The following CLVS1 variants were observed in gnomAD, a reference collection of about 807,000 sequenced individuals.
CLVS1 encodes the protein clavesin-1.
In CLVS1, 10 loss-of-function variants were observed where a neutral mutation model predicts 33.1. The observed-to-expected ratio is 0.30, with a 90% CI of 0.19 to 0.51. The LOEUF is 0.51. Ranked by LOEUF, CLVS1 falls within the 20% of genes least tolerant of loss-of-function variation. The pLI is 0.97. For missense variants in CLVS1, 343 were observed against 433.4 expected (o/e 0.79, Z 1.85); for synonymous variants, 163 against 166.1 (o/e 0.98, Z 0.14).
rs572509583 is a variant in CLVS1 at position 61,092,959 on chromosome 8, C to T, written c.-243+35729C>T. Among the ~76,000 whole-genome samples the T allele has an allele frequency of 4.6e-5, 7 of 152,180 alleles. No homozygotes were observed. The South Asian group carries it at 6.2e-4, about 14-fold the overall frequency. ...GGCCATGGATAGAGCAGTGCAAGGA[C>T]GAGACACATCCCAGACAACATGGGG... On this transcript the variant is annotated intron_variant, in intron 1 of 2. Transcript: ENST00000522621.
At chr8:61,192,824 C>T (rs1260827903) in intron 2 of CLVS1, among the ~76,000 whole-genome samples, 3 of 152,134 alleles carry the variant, frequency 2.0e-5, no homozygotes, top group African/African-American at 7.2e-5. Context: ...AATGAGATAC[C>T]ATGTCACACC....
intron 1 of CLVS1, among the ~76,000 whole-genome samples, chr8:61,077,760 G>A (rs1391273070): frequency 6.6e-6 from 1 of 152,226 alleles, no homozygotes; most frequent in Non-Finnish European, 1.5e-5. Flanking sequence ...GAGAAAGAGA[G>A]GAAATGCTCT....
At position 61,360,503 on chromosome 8, in the gene CLVS1, A is replaced by G. The variant is rs548797240; in HGVS notation, c.456-16102A>G. Reference sequence around the variant, plus strand: ...CCTTCTTCTAAGAGAGGCCAGCCCAAGTAAAATTTAGCTGGAACAAACTGT... The same window carrying G: ...CCTTCTTCTAAGAGAGGCCAGCCCAGGTAAAATTTAGCTGGAACAAACTGT... On this transcript the variant is annotated intron_variant, in intron 2 of 5. Coordinates refer to ENST00000325897, the MANE Select transcript of CLVS1 (RefSeq NM_173519.3). Among the ~76,000 whole-genome samples, 12 of 152,336 alleles carry G rather than the reference A, an allele frequency of 7.9e-5. No homozygotes were observed. The East Asian group carries it at 2.1e-3, about 27-fold the overall frequency.
intron 2 of CLVS1, among the ~76,000 whole-genome samples, chr8:61,376,380 G>A (rs1407131573): frequency 1.3e-5 from 2 of 152,242 alleles, no homozygotes. Flanking sequence ...ATCTCATTAA[G>A]TTTGGGGTGC....
chr8:61,041,952 G>A, the CLVS1 span, among the ~76,000 whole-genome samples: 1 of 151,972 alleles, frequency 6.6e-6, no homozygotes, highest in African/African-American at 2.4e-5. Context: ...TTAATCTCTT[G>A]AGTTTTGAAC....
intron 2 of CLVS1, among the ~76,000 whole-genome samples, chr8:61,152,680 C>T (rs1335963614): frequency 2.0e-5 from 3 of 152,140 alleles, no homozygotes; most frequent in African/African-American, 7.2e-5. Flanking sequence ...CATAGCACCT[C>T]TCAAAGGCCC....
At chr8:61,354,503 C>G (rs1021548872) in intron 2 of CLVS1, among the ~76,000 whole-genome samples, 6 of 151,888 alleles carry the variant, frequency 4.0e-5, no homozygotes, top group Admixed American at 2.0e-4. Context: ...AAATAAAAAC[C>G]TATATTCACA....
At chr8:61,071,522 C>G (rs970119965) in intron 1 of CLVS1, among the ~76,000 whole-genome samples, 1 of 152,186 alleles carries the variant, frequency 6.6e-6, no homozygotes, top group Non-Finnish European at 1.5e-5. Context: ...TTAGGGTCTA[C>G]CTAGATGGTT....
chr8:61,456,137 G>A (rs1490882018), intron 4 of CLVS1, among the ~76,000 whole-genome samples: 1 of 152,188 alleles, frequency 6.6e-6, no homozygotes, highest in African/African-American at 2.4e-5. Flanking sequence ...CATGCCATAG[G>A]TGGGCATTTT....
chr8:61,208,256 A>G (rs904794313), intron 2 of CLVS1, among the ~76,000 whole-genome samples: 3 of 152,238 alleles, frequency 2.0e-5, no homozygotes, highest in African/African-American at 7.2e-5. Context: ...CCAGGCACAC[A>G]TGCTGATTTA....
In CLVS1 at chr8:61,197,734, G is replaced by A. The variant is rs62525828; in HGVS notation, c.-152+65874G>A. Among the ~76,000 whole-genome samples, 1,069 of 152,268 alleles carry A rather than the reference G, an allele frequency of 7.0e-3. 4 individuals are homozygous for A. Among genetic ancestry groups the A allele is most frequent in the Non-Finnish European group, 0.01 (712 of 68,022 alleles). On this transcript the variant is annotated intron_variant, in intron 2 of 2. Transcript: ENST00000522621. Reference sequence around the variant, plus strand: ...GGGATTTGGCCATGTTGGCCAGGCTGGTCTGGAACTCCTGACCTCAAGTGA... The same window carrying A: ...GGGATTTGGCCATGTTGGCCAGGCTAGTCTGGAACTCCTGACCTCAAGTGA...
the CLVS1 span, among the ~76,000 whole-genome samples, chr8:61,040,580 G>A: frequency 1.3e-5 from 2 of 152,154 alleles, no homozygotes; most frequent in Non-Finnish European, 2.9e-5. Context: ...GCATTTCTCT[G>A]ACAATTAGTG....
At position 61,299,750 on chromosome 8, in the gene CLVS1, C is replaced by T. The variant is rs1585769100; in HGVS notation, c.-78C>T. On this transcript the variant is annotated 5_prime_UTR_variant, in exon 2 of 6. Coordinates refer to ENST00000325897, the MANE Select transcript of CLVS1 (RefSeq NM_173519.3). ...TAGGGCCTGAATGTGAAAGAAGACCCTCTATTTGTCTGTTCCGGGGCAGCC... is the reference window on the plus strand; with the variant it reads ...TAGGGCCTGAATGTGAAAGAAGACCTTCTATTTGTCTGTTCCGGGGCAGCC... The T allele has an allele frequency of 3.8e-6, 4 of 1,060,920 alleles. No homozygotes were observed. The highest frequency in any genetic ancestry group is 3.2e-4 in the Middle Eastern group (1 of 3,166). 65.7% of individuals were successfully genotyped at this position (1,060,920 alleles called of 1,614,324 possible). A position where few individuals can be genotyped will look rare whatever the true frequency, so the allele number is the denominator to read the frequency against.
At chr8:61,005,327 A>G in the CLVS1 span, among the ~76,000 whole-genome samples, 6 of 151,642 alleles carry the variant, frequency 4.0e-5, no homozygotes, top group South Asian at 4.2e-4. Flanking sequence ...ATTCTCTCAT[A>G]TGGGTGCGAA....
intron 2 of CLVS1, among the ~76,000 whole-genome samples, chr8:61,181,706 T>TG (rs1807236186): frequency 2.8e-5 from 4 of 141,720 alleles, no homozygotes; most frequent in African/African-American, 1.0e-4. Flanking sequence ...TCTTTTTTTT[T>TG]TTTTTTTTTT....
chr8:61,405,447 G>A (rs955626858), intron 3 of CLVS1, among the ~76,000 whole-genome samples: 7 of 152,114 alleles, frequency 4.6e-5, no homozygotes, highest in African/African-American at 1.4e-4. Flanking sequence ...TGCTTCATGT[G>A]TACTTCCCAT....
intron 2 of CLVS1, among the ~76,000 whole-genome samples, chr8:61,329,225 C>G (rs1449477410): frequency 1.3e-5 from 2 of 151,996 alleles, no homozygotes; most frequent in Non-Finnish European, 2.9e-5. Context: ...CTCTCTCTCT[C>G]TCTCATCTCC....
chr8:61,340,109 G>C (rs181413298), intron 2 of CLVS1, among the ~76,000 whole-genome samples: 4 of 152,108 alleles, frequency 2.6e-5, no homozygotes, highest in Admixed American at 6.5e-5. Context: ...AGAAAAGAAA[G>C]AAAGAGAGAA....
Position 61,499,649 on chromosome 8 carries a change from C to G in CLVS1, c.*107C>G. On this transcript the variant is annotated 3_prime_UTR_variant, in exon 6 of 6. Coordinates refer to ENST00000325897, the MANE Select transcript of CLVS1 (RefSeq NM_173519.3). ...GCAGACACGTGTGTTCTGCTTGACACAAGGTCCTCCACTCCTGAACCCCTG... is the reference window on the plus strand; with the variant it reads ...GCAGACACGTGTGTTCTGCTTGACAGAAGGTCCTCCACTCCTGAACCCCTG... 2 of 730,028 alleles carry G rather than the reference C, an allele frequency of 2.7e-6. No homozygotes were observed. Among genetic ancestry groups the G allele is most frequent in the Non-Finnish European group, 4.7e-6 (2 of 422,276 alleles). The allele number at this position is 730,028 out of a possible 1,614,324, so 45.2% of individuals were successfully genotyped here.
Sources: allele counts gnomAD v4.1 joint callset (sites outside exome capture counted in the v4.1 genomes callset), GRCh38; gene constraint gnomAD v4.1.1; transcripts MANE v1.5; gene names NCBI Gene and HGNC (gene_info 2026-07-23, HGNC 2026-07-21).